C17orf67: variants seen among roughly 807,000 people sequenced by gnomAD.
C17orf67 encodes uncharacterized protein C17orf67.
C17orf67 carries 12 observed loss-of-function variants against 11.2 expected under a neutral mutation model. That is an observed-to-expected ratio of 1.07 (90% CI 0.68 to 1.73). C17orf67 has a LOEUF of 1.73. Ranked by LOEUF, C17orf67 falls within the 40% of genes most tolerant of loss-of-function variation. C17orf67 has a pLI of 0.00. For synonymous variants in C17orf67, 59 were observed against 46.9 expected, an observed-to-expected ratio of 1.26 and a Z score of -1.05; for missense variants, 115 against 113.5, an observed-to-expected ratio of 1.01 and a Z score of -0.06.
chr17:56,795,813 T>C (rs1294108831), intron 6 of C17orf67, among the ~76,000 whole-genome samples: 3 of 152,238 alleles, frequency 2.0e-5, no homozygotes, highest in East Asian at 1.9e-4. Flanking sequence ...TGGACTATTA[T>C]ACAGCAGAGA....
chr17:56,804,961 CA>C (rs1227465387), intron 6 of C17orf67, among the ~76,000 whole-genome samples: 1 of 152,098 alleles, frequency 6.6e-6, no homozygotes, highest in African/African-American at 2.4e-5. Context: ...CTATATCCCA[CA>C]AAATTTCTAC....
intron 2 of C17orf67, among the ~76,000 whole-genome samples, chr17:56,828,712 C>T (rs1376080522): frequency 1.3e-5 from 2 of 152,152 alleles, no homozygotes; most frequent in African/African-American, 4.8e-5. Context: ...CAGGGAACTA[C>T]TATCCTAACT....
intron 6 of C17orf67, among the ~76,000 whole-genome samples, chr17:56,807,205 G>C (rs1905473188): frequency 6.6e-6 from 1 of 152,210 alleles, no homozygotes. Context: ...AGGAAACCTA[G>C]CAGCGGGAGC....
At chr17:56,805,806 C>A (rs1905432515) in intron 6 of C17orf67, among the ~76,000 whole-genome samples, 1 of 151,300 alleles carries the variant, frequency 6.6e-6, no homozygotes, top group East Asian at 1.9e-4. Flanking sequence ...TTCATGGTTA[C>A]AAATAGATTA....
At chr17:56,807,055 T>A (rs762111877) in intron 6 of C17orf67, among the ~76,000 whole-genome samples, 1 of 152,186 alleles carries the variant, frequency 6.6e-6, no homozygotes, top group Non-Finnish European at 1.5e-5. Flanking sequence ...TAGACAGTCA[T>A]GTAAATGACC....
intron 6 of C17orf67, among the ~76,000 whole-genome samples, chr17:56,799,180 A>G (rs1905266208): frequency 6.6e-6 from 1 of 152,166 alleles, no homozygotes; most frequent in African/African-American, 2.4e-5. Flanking sequence ...TAGCACTACC[A>G]TTGCAATATC....
intron 6 of C17orf67, among the ~76,000 whole-genome samples, chr17:56,798,788 G>A (rs868039617): frequency 3.9e-5 from 6 of 152,138 alleles, no homozygotes; most frequent in Non-Finnish European, 8.8e-5. Context: ...AGCTGAGATC[G>A]CACCATGGCA....
chr17:56,821,214 C>T (rs974635727), intron 4 of C17orf67, among the ~76,000 whole-genome samples: 3 of 152,032 alleles, frequency 2.0e-5, no homozygotes, highest in African/African-American at 7.3e-5. Context: ...TAGAAAAATG[C>T]CAAATCTGTC....
chr17:56,825,758 T>C (rs563172845), intron 2 of C17orf67, among the ~76,000 whole-genome samples: 1 of 152,264 alleles, frequency 6.6e-6, no homozygotes, highest in Admixed American at 6.5e-5. Context: ...AAGAGCCAGA[T>C]AGACACTATT....
intron 6 of C17orf67, among the ~76,000 whole-genome samples, chr17:56,796,768 T>G: frequency 6.6e-6 from 1 of 152,028 alleles, no homozygotes; most frequent in East Asian, 1.9e-4. Context: ...CGCAGACTCC[T>G]CACCCCTCTC....
intron 4 of C17orf67, among the ~76,000 whole-genome samples, chr17:56,821,570 G>C (rs1180311650): frequency 2.0e-5 from 3 of 152,130 alleles, no homozygotes; most frequent in African/African-American, 7.2e-5. Flanking sequence ...TGGCATCTCA[G>C]CTTCCCTCCC....
At chr17:56,802,318 A>T (rs1278734241) in intron 6 of C17orf67, among the ~76,000 whole-genome samples, 2 of 152,216 alleles carry the variant, frequency 1.3e-5, no homozygotes, top group Admixed American at 1.3e-4. Flanking sequence ...AAGGAGTCAC[A>T]GCCACACCAA....
At chr17:56,802,079 TAAATGAAATGGTGC>T (rs1214406700) in intron 6 of C17orf67, among the ~76,000 whole-genome samples, 1 of 152,212 alleles carries the variant, frequency 6.6e-6, no homozygotes, top group East Asian at 1.9e-4. Context: ...GGTTAGATAC[TAAATGAAATGGTGC>T]AAATAAAGTT....
chr17:56,809,462 TACTC>T (rs1469332796), intron 6 of C17orf67, among the ~76,000 whole-genome samples: 2 of 151,386 alleles, frequency 1.3e-5, no homozygotes, highest in Non-Finnish European at 2.9e-5. Context: ...TCTGAAAAAA[TACTC>T]AGTAAGGCCT....
intron 6 of C17orf67, among the ~76,000 whole-genome samples, chr17:56,800,869 C>T (rs759006587): frequency 3.3e-5 from 5 of 152,070 alleles, no homozygotes; most frequent in Non-Finnish European, 7.4e-5. Flanking sequence ...TAGGTGGGTT[C>T]GCTCATATAT....
rs529362605 is a variant in C17orf67 at position 56,828,232 on chromosome 17, C to A, written c.-556-2911G>T. Among the ~76,000 whole-genome samples the A allele has an allele frequency of 3.3e-5, 5 of 152,024 alleles. No homozygotes were observed. The South Asian group carries it at 1.0e-3, about 32-fold the overall frequency. On this transcript the variant is annotated intron_variant, in intron 2 of 7. Coordinates refer to ENST00000397861, the MANE Select transcript of C17orf67 (RefSeq NM_001085430.4). The stretch of plus-strand genomic sequence containing the variant: ...ACCAGCCTGACCAACATGGAGAAAT[C>A]CCATCTCTGCTAAAAATACAAAATT...
chr17:56,795,174 T>C lies in C17orf67; in HGVS notation c.163A>G (p.Met55Val), dbSNP rs1034178465. The change falls in exon 7 of 8, where the codon ATG becomes GTG. Residue 55 changes from methionine (M) to valine (V), a missense_variant. Transcript: ENST00000397861. ...GFPDEPMREY[M>V]HHLLALEHRA... The stretch of plus-strand genomic sequence containing the variant: ...TGCTCCAGGGCGAGCAGGTGGTGCA[T>C]GTATTCCTGTCAAAACAAACCACAC... 6 of 1,613,914 alleles carry C rather than the reference T, an allele frequency of 3.7e-6. No individual in the cohort carries two copies. The highest frequency in any genetic ancestry group is 2.7e-5 in the African/African-American group (2 of 74,920).
At chr17:56,808,699 A>G (rs1905516497) in intron 6 of C17orf67, among the ~76,000 whole-genome samples, 1 of 152,210 alleles carries the variant, frequency 6.6e-6, no homozygotes, top group Non-Finnish European at 1.5e-5. Flanking sequence ...TATGTCAAAC[A>G]GTCTAGCCCT....
chr17:56,822,123 G>A (rs2144144675), intron 4 of C17orf67, among the ~76,000 whole-genome samples: 1 of 152,328 alleles, frequency 6.6e-6, no homozygotes, highest in South Asian at 2.1e-4. Flanking sequence ...CACATCACCT[G>A]CAGATCCCTC....
Sources: gnomAD v4.1 joint callset for allele counts (sites outside exome capture counted in the v4.1 genomes callset) on GRCh38, gnomAD v4.1.1 for gene constraint, MANE v1.5 for transcripts, NCBI Gene and HGNC (gene_info 2026-07-23, HGNC 2026-07-21) for gene names.